PTPRD: variants seen among roughly 807,000 people sequenced by gnomAD.
PTPRD encodes the protein receptor-type tyrosine-protein phosphatase delta.
In PTPRD, 34 loss-of-function variants were observed where a neutral mutation model predicts 214.5. The ratio of observed to expected loss-of-function variants is 0.16; its 90% confidence interval spans 0.12 to 0.21. The LOEUF (loss-of-function observed/expected upper bound fraction) is 0.21, where lower values mean the gene tolerates loss of function less well. Ranked by LOEUF, PTPRD falls within the 10% of genes least tolerant of loss-of-function variation. The pLI is 1.00. For synonymous variants in PTPRD, 1,128 were observed against 845.7 expected (o/e 1.33, Z -5.79); for missense variants, 2,545 against 2,398.7 (o/e 1.06, Z -1.27).
intron 8 of PTPRD, among the ~76,000 whole-genome samples, chr9:9,421,747 G>A (rs1378062315): frequency 6.6e-6 from 1 of 151,984 alleles, no homozygotes; most frequent in East Asian, 1.9e-4. Context: ...TTATTGAAAA[G>A]CTCGTTTGGT....
chr9:10,071,042 G>A (rs979474417), intron 3 of PTPRD, among the ~76,000 whole-genome samples: 1 of 151,864 alleles, frequency 6.6e-6, no homozygotes, highest in African/African-American at 2.4e-5. Flanking sequence ...CAAATACGTG[G>A]TATAAATTTA....
At chr9:9,886,453 G>A (rs1187634764) in intron 5 of PTPRD, among the ~76,000 whole-genome samples, 1 of 152,106 alleles carries the variant, frequency 6.6e-6, no homozygotes, top group Non-Finnish European at 1.5e-5. Flanking sequence ...GGTTTAAAAG[G>A]AGAGTCCTGA....
intron 10 of PTPRD, among the ~76,000 whole-genome samples, chr9:9,106,468 T>C (rs1346135989): frequency 1.3e-5 from 2 of 151,726 alleles, no homozygotes; most frequent in Non-Finnish European, 2.9e-5. Flanking sequence ...TGCCTAAAGT[T>C]AATAAGTAAA....
rs61505865 is a variant in PTPRD, at chr9:10,379,246, T to G, written c.-599-38229A>C. 3.2e-3 allele frequency among the ~76,000 whole-genome samples: 480 copies of G among 151,580 alleles called. 2 individuals carry two copies. Among genetic ancestry groups the G allele is most frequent in the African/African-American group, 9.9e-3 (408 of 41,292 alleles). Reference sequence around the variant, plus strand: ...TTTGTTTGTTAGTTCTAATAGTTTTTTTTGTGTGTGTGTGTGTGTGTAGTC... The same window carrying G: ...TTTGTTTGTTAGTTCTAATAGTTTTGTTTGTGTGTGTGTGTGTGTGTAGTC... On this transcript the variant is annotated intron_variant, in intron 2 of 45. Coordinates refer to ENST00000381196, the MANE Select transcript of PTPRD (RefSeq NM_002839.4).
At chr9:9,293,793 T>C (rs1023902072) in intron 9 of PTPRD, among the ~76,000 whole-genome samples, 2 of 151,676 alleles carry the variant, frequency 1.3e-5, no homozygotes, top group African/African-American at 4.8e-5. Context: ...AGCAGTTATG[T>C]ACTGCAGTTG....
At chr9:8,764,462 T>A (rs1373395203) in intron 11 of PTPRD, among the ~76,000 whole-genome samples, 1 of 152,094 alleles carries the variant, frequency 6.6e-6, no homozygotes, top group African/African-American at 2.4e-5. Flanking sequence ...GGATCATGGA[T>A]CTGACACTAA....
chr9:9,900,130 G>A, intron 5 of PTPRD, among the ~76,000 whole-genome samples: 1 of 152,126 alleles, frequency 6.6e-6, no homozygotes. Context: ...GCTGCATTAA[G>A]TTCTTCCCTG....
At chr9:9,268,174 T>C (rs779542972) in intron 9 of PTPRD, among the ~76,000 whole-genome samples, 2 of 151,116 alleles carry the variant, frequency 1.3e-5, no homozygotes, top group Non-Finnish European at 3.0e-5. Flanking sequence ...AGTCGCAGGA[T>C]AAAAAATCAG....
chr9:10,456,579 G>C (rs1428535183), intron 2 of PTPRD, among the ~76,000 whole-genome samples: 1 of 151,818 alleles, frequency 6.6e-6, no homozygotes, highest in Non-Finnish European at 1.5e-5. Context: ...CAAATAGATA[G>C]CACCTTTCTC....
intron 10 of PTPRD, among the ~76,000 whole-genome samples, chr9:9,138,771 A>T (rs1423190496): frequency 1.3e-5 from 2 of 152,182 alleles, no homozygotes; most frequent in South Asian, 4.1e-4. Flanking sequence ...TTTATCTAGA[A>T]TAATGTTTGG....
chr9:8,757,886 T>C (rs1004620874), intron 11 of PTPRD, among the ~76,000 whole-genome samples: 2 of 152,096 alleles, frequency 1.3e-5, no homozygotes, highest in African/African-American at 2.4e-5. Context: ...TTCCTTGGGA[T>C]CTCTATCTAT....
At position 10,470,304 on chromosome 9, in the gene PTPRD, G is replaced by A. The variant is rs144304521; in HGVS notation, c.-599-129287C>T. On this transcript the variant is annotated intron_variant, in intron 2 of 45. Transcript: ENST00000381196. ...TAAAAAATAAAGCTCAGGGAACAGTGAAGACTCAAAAATAGCAATATAAGA... is the reference window on the plus strand; with the variant it reads ...TAAAAAATAAAGCTCAGGGAACAGTAAAGACTCAAAAATAGCAATATAAGA... 4.0e-3 allele frequency among the ~76,000 whole-genome samples: 614 copies of A among 152,068 alleles called. 5 individuals are homozygous for A. Among genetic ancestry groups the A allele is most frequent in the African/African-American group, 0.014 (579 of 41,500 alleles).
intron 35 of PTPRD, among the ~76,000 whole-genome samples, chr9:8,417,470 G>A (rs1232848546): frequency 6.6e-6 from 1 of 152,084 alleles, no homozygotes; most frequent in South Asian, 2.1e-4. Flanking sequence ...TGAAAAACAA[G>A]TCTACACTAA....
Position 8,560,021 on chromosome 9 carries a change from T to A in PTPRD, c.353-31242A>T, listed in dbSNP as rs113798287. On this transcript the variant is annotated intron_variant, in intron 14 of 45. Coordinates refer to ENST00000381196, the MANE Select transcript of PTPRD (RefSeq NM_002839.4). ...CATTAAGAGGAATTTCTTAGGAAAGTCTATATGCAGTAAGCAAGTAAGATC... is the reference window on the plus strand; with the variant it reads ...CATTAAGAGGAATTTCTTAGGAAAGACTATATGCAGTAAGCAAGTAAGATC... Among the ~76,000 whole-genome samples the A allele has an allele frequency of 4.2e-3, 646 of 152,292 alleles. 4 individuals are homozygous for A. The highest frequency in any genetic ancestry group is 0.015 in the African/African-American group (607 of 41,552).
At chr9:8,659,253 G>C (rs978067689) in intron 12 of PTPRD, among the ~76,000 whole-genome samples, 2 of 152,188 alleles carry the variant, frequency 1.3e-5, no homozygotes, top group African/African-American at 4.8e-5. Flanking sequence ...TGAATGCTGA[G>C]ACACTTTGGC....
chr9:8,894,349 C>T (rs1221208004), intron 11 of PTPRD, among the ~76,000 whole-genome samples: 1 of 115,370 alleles, frequency 8.7e-6, no homozygotes, highest in African/African-American at 3.1e-5. Context: ...GAGTGAGACT[C>T]CATCTCAAAA....
At chr9:8,790,480 C>G (rs535638448) in intron 11 of PTPRD, among the ~76,000 whole-genome samples, 12 of 151,806 alleles carry the variant, frequency 7.9e-5, no homozygotes, top group African/African-American at 2.9e-4. Context: ...TGCAGTGGTG[C>G]GATCTTGGCT....
chr9:9,325,396 G>C, intron 9 of PTPRD, among the ~76,000 whole-genome samples: 1 of 152,142 alleles, frequency 6.6e-6, no homozygotes, highest in East Asian at 1.9e-4. Flanking sequence ...TCTCCTTGAA[G>C]AGGTCCTTCA....
intron 15 of PTPRD, chr9:8,528,270 A>G (rs1041319187): frequency 1.2e-5 from 5 of 427,340 alleles, no homozygotes; most frequent in African/African-American, 2.0e-5. Flanking sequence ...ACAGAGAAAG[A>G]AGAAAGAAAG....
Sources: gnomAD v4.1 joint callset for allele counts (sites outside exome capture counted in the v4.1 genomes callset) on GRCh38, gnomAD v4.1.1 for gene constraint, MANE v1.5 for transcripts, NCBI Gene and HGNC (gene_info 2026-07-23, HGNC 2026-07-21) for gene names.